The following SYTL3 variants were observed in gnomAD, a reference collection of about 807,000 sequenced individuals.
SYTL3 encodes synaptotagmin like 3, also known as synaptotagmin-like protein 3.
A neutral mutation model predicts 82.1 loss-of-function variants in SYTL3; 88 were observed. The observed-to-expected ratio is 1.07, with a 90% CI of 0.90 to 1.28. SYTL3 has a LOEUF of 1.28. Ranked by LOEUF, SYTL3 falls within the 50% of genes most tolerant of loss-of-function variation. The pLI, the probability that SYTL3 is intolerant of heterozygous loss-of-function variation, is 0.00. For synonymous variants in SYTL3, 311 were observed against 289.4 expected, an observed-to-expected ratio of 1.07 and a Z score of -0.76; for missense variants, 831 against 757.6, an observed-to-expected ratio of 1.10 and a Z score of -1.14.
chr6:158,676,078 AAAG>A (rs1345445707), intron 5 of SYTL3, among the ~76,000 whole-genome samples: 1 of 152,230 alleles, frequency 6.6e-6, no homozygotes, highest in African/African-American at 2.4e-5. Flanking sequence ...TGGAACCAAA[AAAG>A]AGCCTGCATT....
At chr6:158,693,357 A>C (rs1780128218) in intron 6 of SYTL3, among the ~76,000 whole-genome samples, 1 of 152,080 alleles carries the variant, frequency 6.6e-6, no homozygotes, top group Non-Finnish European at 1.5e-5. Flanking sequence ...AGCTGGGATC[A>C]CAGGCATGCA....
intron 11 of SYTL3, among the ~76,000 whole-genome samples, chr6:158,739,021 C>G (rs1049071200): frequency 6.6e-6 from 1 of 152,208 alleles, no homozygotes; most frequent in African/African-American, 2.4e-5. Flanking sequence ...CCCACTCACA[C>G]AGCCCTCCCT....
At chr6:158,714,470 C>T (rs1404321976) in intron 9 of SYTL3, among the ~76,000 whole-genome samples, 1 of 151,930 alleles carries the variant, frequency 6.6e-6, no homozygotes. Context: ...TTGCCTTTCT[C>T]CTCTCCTCCT....
intron 6 of SYTL3, among the ~76,000 whole-genome samples, chr6:158,705,956 G>C (rs1311960603): frequency 6.6e-6 from 1 of 152,186 alleles, no homozygotes; most frequent in Non-Finnish European, 1.5e-5. Flanking sequence ...GCACACTGCA[G>C]TCAGGCTGTT....
Position 158,717,824 on chromosome 6 carries a change from C to T in SYTL3, c.596-263C>T, listed in dbSNP as rs377448070. Reference sequence around the variant, plus strand: ...GTGGATGATTTCCCTTCACCTCTCACCCTGACCATGGCCTGGGTGGCCACA... The same window carrying T: ...GTGGATGATTTCCCTTCACCTCTCATCCTGACCATGGCCTGGGTGGCCACA... On this transcript the variant is annotated intron_variant, in intron 9 of 17. Coordinates refer to ENST00000611299, the MANE Select transcript of SYTL3 (RefSeq NM_001242394.2). Among the ~76,000 whole-genome samples the T allele has an allele frequency of 7.9e-3, 1,209 of 152,262 alleles. 16 individuals carry two copies. The highest frequency in any genetic ancestry group is 0.028 in the African/African-American group (1,158 of 41,554).
chr6:158,736,171 G>A (rs1786133063), intron 11 of SYTL3, among the ~76,000 whole-genome samples: 2 of 152,144 alleles, frequency 1.3e-5, no homozygotes, highest in South Asian at 4.1e-4. Flanking sequence ...CCAACATAGT[G>A]AAACCACATC....
intron 9 of SYTL3, among the ~76,000 whole-genome samples, chr6:158,715,639 A>ACCCCCCCCCCCCCCCC (rs71030193): frequency 1.1e-5 from 1 of 92,994 alleles, no homozygotes; most frequent in African/African-American, 4.7e-5. Context: ...CACCCCCCAT[A>ACCCCCCCCCCCCCCCC]CCCCCCCACC....
At chr6:158,735,215 G>A (rs997934580) in intron 11 of SYTL3, among the ~76,000 whole-genome samples, 1 of 152,012 alleles carries the variant, frequency 6.6e-6, no homozygotes, top group African/African-American at 2.4e-5. Context: ...GCTGCTTAGG[G>A]ACTTTTTGTT....
At chr6:158,727,085 C>T (rs1009938715) in intron 11 of SYTL3, among the ~76,000 whole-genome samples, 13 of 152,018 alleles carry the variant, frequency 8.6e-5, no homozygotes, top group East Asian at 3.9e-4. Context: ...CTCCTGACCT[C>T]GTGATCCACG....
upstream of SYTL3, among the ~76,000 whole-genome samples, chr6:158,648,590 CAA>C (rs869171730): frequency 2.1e-4 from 27 of 131,410 alleles, no homozygotes; most frequent in African/African-American, 6.3e-4. Flanking sequence ...GACTCGGTCT[CAA>C]AAAAAAAAAA....
intron 6 of SYTL3, among the ~76,000 whole-genome samples, chr6:158,703,104 A>G (rs1781516357): frequency 1.3e-5 from 2 of 149,288 alleles, no homozygotes; most frequent in African/African-American, 2.5e-5. Flanking sequence ...CAGTGAGCCA[A>G]GATCGTGCCA....
intron 11 of SYTL3, among the ~76,000 whole-genome samples, chr6:158,739,566 CTCTA>C (rs1786657893): frequency 6.6e-6 from 1 of 151,982 alleles, no homozygotes; most frequent in South Asian, 2.1e-4. Flanking sequence ...GTCTCTCTCC[CTCTA>C]TCTCTCTCTC....
chr6:158,705,958 C>T (rs945864134), intron 6 of SYTL3, among the ~76,000 whole-genome samples: 9 of 152,162 alleles, frequency 5.9e-5, no homozygotes, highest in African/African-American at 1.9e-4. Flanking sequence ...ACACTGCAGT[C>T]AGGCTGTTTT....
At chr6:158,653,978 T>A (rs796950786) in intron 2 of SYTL3, among the ~76,000 whole-genome samples, 1 of 152,210 alleles carries the variant, frequency 6.6e-6, no homozygotes, top group Non-Finnish European at 1.5e-5. Flanking sequence ...TCATCTCTTT[T>A]CTTCATTGGT....
intron 5 of SYTL3, among the ~76,000 whole-genome samples, chr6:158,682,345 T>C (rs1394409504): frequency 6.7e-6 from 1 of 149,764 alleles, no homozygotes; most frequent in Non-Finnish European, 1.5e-5. Context: ...GTTAATATGC[T>C]TAACATTCAC....
At chr6:158,733,987 A>C (rs1028103571) in intron 11 of SYTL3, among the ~76,000 whole-genome samples, 1 of 151,112 alleles carries the variant, frequency 6.6e-6, no homozygotes, top group Non-Finnish European at 1.5e-5. Context: ...AGTCCCAGCT[A>C]CTTGGGAGGC....
At chr6:158,677,539 TTATAA>T (rs555911830) in intron 5 of SYTL3, among the ~76,000 whole-genome samples, 80 of 150,846 alleles carry the variant, frequency 5.3e-4, no homozygotes, top group African/African-American at 1.8e-3. Flanking sequence ...ACCCTAAAAC[TTATAA>T]TAAAAAAAAA....
intron 1 of SYTL3, among the ~76,000 whole-genome samples, 176 bp downstream of exon 1, chr6:158,650,254 C>T (rs888574847): frequency 2.0e-5 from 3 of 152,052 alleles, no homozygotes; most frequent in African/African-American, 7.3e-5. Context: ...GAATAACATA[C>T]ATTTAACATT....
chr6:158,706,176 A>G (rs967569728), intron 6 of SYTL3, among the ~76,000 whole-genome samples: 1 of 152,142 alleles, frequency 6.6e-6, no homozygotes, highest in Non-Finnish European at 1.5e-5. Flanking sequence ...TGTCCCCCAG[A>G]TGAACCCCAG....
Sources: allele counts gnomAD v4.1 joint callset (sites outside exome capture counted in the v4.1 genomes callset), GRCh38; gene constraint gnomAD v4.1.1; transcripts MANE v1.5; gene names NCBI Gene and HGNC (gene_info 2026-07-23, HGNC 2026-07-21).